Variants in EDA observed in about 807,000 individuals in gnomAD.
EDA encodes ectodysplasin A, also known as ectodysplasin-A.
A neutral mutation model predicts 23.6 loss-of-function variants in EDA; 2 were observed. That is an observed-to-expected ratio of 0.08 (90% confidence interval 0.03 to 0.27). EDA has a LOEUF of 0.27. Among genes scored for constraint, EDA ranks in the 10% least tolerant of loss-of-function variants. EDA has a pLI of 1.00. For synonymous variants in EDA, 131 were observed against 132.0 expected (o/e 0.99, Z 0.05); for missense variants, 229 against 324.2 (o/e 0.71, Z 2.26).
intron 1 of EDA, among the ~76,000 whole-genome samples, chrX:69,922,412 A>G (rs1195378535): frequency 8.9e-6 from 1 of 112,142 alleles, no homozygotes; most frequent in Non-Finnish European, 1.9e-5. Flanking sequence ...CATTTTTGCA[A>G]TCTCACCAGC....
intron 1 of EDA, among the ~76,000 whole-genome samples, chrX:69,906,538 C>T (rs2018178969): frequency 8.9e-6 from 1 of 112,524 alleles, no homozygotes; most frequent in Admixed American, 9.4e-5. Context: ...CACACTGACA[C>T]ATCTGCCATT....
At chrX:69,769,299 G>T (rs1349256172) in intron 1 of EDA, among the ~76,000 whole-genome samples, 2 of 111,717 alleles carry the variant, frequency 1.8e-5, no homozygotes, top group Non-Finnish European at 3.8e-5. Flanking sequence ...TTGTGTATTT[G>T]TCTATTTCTC....
At chrX:69,974,231 G>A (rs1225181629) in intron 2 of EDA, among the ~76,000 whole-genome samples, 3 of 110,479 alleles carry the variant, frequency 2.7e-5, no homozygotes, top group Admixed American at 9.7e-5. Flanking sequence ...TTTGCTTTGG[G>A]TGACTGTTTT....
chrX:69,777,144 T>TTTGTTGTTG (rs140366037), intron 1 of EDA, among the ~76,000 whole-genome samples: 96 of 106,835 alleles, frequency 9.0e-4, no homozygotes, highest in African/African-American at 3.2e-3. Flanking sequence ...GATTCTGGGT[T>TTTGTTGTTG]TTGTTGTTGT....
Position 69,860,846 on chromosome X carries a change from A to G in EDA, c.397-96181A>G, listed in dbSNP as rs962863241. ...TTTCCAAGTTGGTTCTATTCTCCCCATCTCTTTCAGGGACACCAATGAGTT... is the reference window on the plus strand; with the variant it reads ...TTTCCAAGTTGGTTCTATTCTCCCCGTCTCTTTCAGGGACACCAATGAGTT... On this transcript the variant is annotated intron_variant, in intron 1 of 7. Coordinates refer to ENST00000374552, the MANE Select transcript of EDA (RefSeq NM_001399.5). 3 of 521,664 alleles carry G rather than the reference A, an allele frequency of 5.8e-6. No homozygotes were observed. In the African/African-American group the frequency reaches 7.0e-5, roughly 12 times the overall value. The allele number at this position is 521,664 out of a possible 1,213,427, so 43.0% of individuals were successfully genotyped here.
intron 2 of EDA, among the ~76,000 whole-genome samples, chrX:70,009,205 T>A (rs760310728): frequency 5.3e-5 from 6 of 112,163 alleles, no homozygotes; most frequent in Non-Finnish European, 9.4e-5. Flanking sequence ...ATTTTTTTGA[T>A]CTGGGAACCA....
chrX:69,949,947 G>A (rs1212856460), intron 1 of EDA, among the ~76,000 whole-genome samples: 2 of 108,088 alleles, frequency 1.9e-5, no homozygotes, highest in African/African-American at 6.8e-5. Flanking sequence ...ATTCAAGATG[G>A]ATTAAAGACT....
At chrX:69,926,627 T>C (rs1276932182) in intron 1 of EDA, among the ~76,000 whole-genome samples, 1 of 112,235 alleles carries the variant, frequency 8.9e-6, no homozygotes, top group Non-Finnish European at 1.9e-5. Context: ...GAAGAATGTA[T>C]ATTTTGTTGA....
At chrX:69,719,918 T>G (rs1463146125) in intron 1 of EDA, among the ~76,000 whole-genome samples, 2 of 109,609 alleles carry the variant, frequency 1.8e-5, no homozygotes, top group Non-Finnish European at 3.8e-5. Context: ...CCTGGCTAAT[T>G]TTTGTATTTT....
At chrX:69,973,229 C>T (rs1043105852) in intron 2 of EDA, among the ~76,000 whole-genome samples, 6 of 111,587 alleles carry the variant, frequency 5.4e-5, no homozygotes, top group Non-Finnish European at 1.1e-4. Flanking sequence ...TGCTGAAAGA[C>T]AGCTTAGGGA....
chrX:69,873,650 T>C (rs958382564), intron 1 of EDA, among the ~76,000 whole-genome samples: 2 of 111,773 alleles, frequency 1.8e-5, no homozygotes, highest in Non-Finnish European at 3.8e-5. Flanking sequence ...CTAGAGGAGA[T>C]GGATAAATTC....
intron 1 of EDA, among the ~76,000 whole-genome samples, chrX:69,854,426 T>G (rs1056363922): frequency 9.0e-6 from 1 of 111,626 alleles, no homozygotes; most frequent in African/African-American, 3.3e-5. Flanking sequence ...ACTCCTCACC[T>G]CAGGTTATCT....
chrX:69,941,739 A>G (rs1443241677), intron 1 of EDA, among the ~76,000 whole-genome samples: 1 of 111,108 alleles, frequency 9.0e-6, no homozygotes, highest in African/African-American at 3.3e-5. Flanking sequence ...TAGCCACTCT[A>G]TGTTTTTTGA....
At chrX:69,781,442 ACATT>A (rs750272919) in intron 1 of EDA, among the ~76,000 whole-genome samples, 21 of 111,824 alleles carry the variant, frequency 1.9e-4, no homozygotes, top group Non-Finnish European at 3.4e-4. Flanking sequence ...GAACACCACC[ACATT>A]CATTCATTTA....
intron 2 of EDA, among the ~76,000 whole-genome samples, chrX:70,006,404 A>T (rs1197058354): frequency 2.7e-5 from 3 of 112,320 alleles, no homozygotes; most frequent in Non-Finnish European, 5.6e-5. Context: ...CAGTATTTTG[A>T]ATTTTAGCCC....
At chrX:69,875,042 C>T (rs189046102) in intron 1 of EDA, among the ~76,000 whole-genome samples, 1 of 111,708 alleles carries the variant, frequency 9.0e-6, no homozygotes, top group East Asian at 2.8e-4. Context: ...ATTAATATTA[C>T]GAAAATAACC....
chrX:69,817,201 CAAGAG>C (rs1249427931), intron 1 of EDA, among the ~76,000 whole-genome samples: 1 of 111,823 alleles, frequency 8.9e-6, no homozygotes, highest in Non-Finnish European at 1.9e-5. Flanking sequence ...GCCTACCTTG[CAAGAG>C]CTCCTGAAGA....
chrX:69,763,127 A>C (rs2014363552), intron 1 of EDA, among the ~76,000 whole-genome samples: 1 of 112,239 alleles, frequency 8.9e-6, no homozygotes, highest in South Asian at 3.7e-4. Flanking sequence ...ATTGGGAGAA[A>C]ACAACTTCCT....
At chrX:69,883,062 G>A (rs753820395) in intron 1 of EDA, among the ~76,000 whole-genome samples, 4 of 111,989 alleles carry the variant, frequency 3.6e-5, no homozygotes, top group East Asian at 5.6e-4. Flanking sequence ...AAGTCAAAGC[G>A]ATTACTAAAG....
Sources: allele counts gnomAD v4.1 joint callset (sites outside exome capture counted in the v4.1 genomes callset), GRCh38; gene constraint gnomAD v4.1.1; transcripts MANE v1.5; gene names NCBI Gene and HGNC (gene_info 2026-07-23, HGNC 2026-07-21).